The following LRRTM4 variants were observed in gnomAD, a reference collection of about 807,000 sequenced individuals.
The protein encoded by LRRTM4 is leucine rich repeat transmembrane neuronal 4, also known as leucine-rich repeat transmembrane neuronal protein 4.
Under a neutral mutation model 47.6 loss-of-function variants are expected in LRRTM4, and 25 were observed. The ratio of observed to expected loss-of-function variants is 0.53; its 90% CI spans 0.38 to 0.73. LRRTM4 has a LOEUF of 0.73. Among genes scored for constraint, LRRTM4 ranks in the 30% least tolerant of loss-of-function variants. LRRTM4 has a pLI of 0.00. For missense variants in LRRTM4, 638 were observed against 713.4 expected (o/e 0.89, Z 1.20); for synonymous variants, 311 against 269.5 (o/e 1.15, Z -1.51).
intron 3 of LRRTM4, among the ~76,000 whole-genome samples, chr2:77,339,797 A>G (rs1339119843): frequency 6.6e-6 from 1 of 151,920 alleles, no homozygotes; most frequent in African/African-American, 2.4e-5. Flanking sequence ...AGTGAAGGGG[A>G]AAAAGGGGCT....
chr2:77,302,379 C>G (rs1250666634), intron 3 of LRRTM4, among the ~76,000 whole-genome samples: 1 of 152,098 alleles, frequency 6.6e-6, no homozygotes, highest in East Asian at 1.9e-4. Context: ...CAAATATACA[C>G]TTATTTTTAA....
chr2:76,781,273 G>A (rs1483981444), intron 3 of LRRTM4, among the ~76,000 whole-genome samples: 2 of 152,254 alleles, frequency 1.3e-5, no homozygotes, highest in African/African-American at 2.4e-5. Context: ...AGCTGTGGTG[G>A]GCTCCACCCA....
At chr2:77,245,771 T>C (rs879399071) in intron 3 of LRRTM4, among the ~76,000 whole-genome samples, 1 of 152,078 alleles carries the variant, frequency 6.6e-6, no homozygotes, top group African/African-American at 2.4e-5. Context: ...TTTGAAGCTG[T>C]GGAATAGGAA....
At chr2:76,849,438 T>A (rs948887477) in intron 3 of LRRTM4, among the ~76,000 whole-genome samples, 5 of 152,102 alleles carry the variant, frequency 3.3e-5, no homozygotes, top group Non-Finnish European at 7.4e-5. Flanking sequence ...ATTTCCCAGA[T>A]GTATTGTGGG....
intron 3 of LRRTM4, among the ~76,000 whole-genome samples, chr2:76,782,055 G>A (rs1674424319): frequency 6.6e-6 from 1 of 152,066 alleles, no homozygotes; most frequent in South Asian, 2.1e-4. Context: ...GCTTTAAGTT[G>A]TCATAGAATG....
intron 3 of LRRTM4, among the ~76,000 whole-genome samples, chr2:77,183,029 G>T (rs1172264162): frequency 6.6e-6 from 1 of 152,160 alleles, no homozygotes; most frequent in African/African-American, 2.4e-5. Flanking sequence ...CATGGGCAAG[G>T]ACTTCATGAC....
At chr2:77,480,364 T>C (rs1323205265) in intron 3 of LRRTM4, among the ~76,000 whole-genome samples, 3 of 152,338 alleles carry the variant, frequency 2.0e-5, no homozygotes, top group South Asian at 2.1e-4. Context: ...TCATTAGAAA[T>C]GCTTTGTGCT....
chr2:76,778,545 C>A, intron 3 of LRRTM4, among the ~76,000 whole-genome samples: 2 of 151,244 alleles, frequency 1.3e-5, no homozygotes, highest in South Asian at 4.2e-4. Context: ...AGTTTATTTG[C>A]GTAGAGGTGT....
intron 3 of LRRTM4, among the ~76,000 whole-genome samples, chr2:76,817,167 G>C (rs754755124): frequency 3.5e-4 from 53 of 151,922 alleles, no homozygotes; most frequent in African/African-American, 1.3e-3. Context: ...CACATGGAGA[G>C]AACAGCCTGA....
At chr2:77,358,555 A>G (rs1284420487) in intron 3 of LRRTM4, among the ~76,000 whole-genome samples, 1 of 152,216 alleles carries the variant, frequency 6.6e-6, no homozygotes, top group Non-Finnish European at 1.5e-5. Flanking sequence ...TATTTGAACC[A>G]TAGCCGCTTC....
intron 3 of LRRTM4, among the ~76,000 whole-genome samples, chr2:76,891,343 A>T (rs1315355713): frequency 6.6e-6 from 1 of 151,902 alleles, no homozygotes; most frequent in African/African-American, 2.4e-5. Flanking sequence ...GAAATAATAT[A>T]GGGAATTTCA....
At chr2:76,852,179 A>AT (rs1010102042) in intron 3 of LRRTM4, among the ~76,000 whole-genome samples, 1 of 152,188 alleles carries the variant, frequency 6.6e-6, no homozygotes, top group Non-Finnish European at 1.5e-5. Flanking sequence ...GAGGAGTTGT[A>AT]TTCCAACTCC....
At chr2:77,349,323 TACA>T (rs1235553549) in intron 3 of LRRTM4, among the ~76,000 whole-genome samples, 4 of 151,032 alleles carry the variant, frequency 2.6e-5, no homozygotes, top group Non-Finnish European at 5.9e-5. Context: ...TATTCACAAC[TACA>T]ACAACAATAA....
Position 76,774,079 on chromosome 2 carries a change from G to C in LRRTM4, c.1552-25163C>G, listed in dbSNP as rs139465800. 7.2e-5 allele frequency among the ~76,000 whole-genome samples: 11 copies of C among 152,064 alleles called. 1 individual carries two copies. In the East Asian group the frequency reaches 2.1e-3, roughly 29 times the overall value. ...ACTTAGCTACTAATAGCCTACTTTTGACTGGAGGTTTTAGCAAGAACATAG... is the reference window on the plus strand; with the variant it reads ...ACTTAGCTACTAATAGCCTACTTTTCACTGGAGGTTTTAGCAAGAACATAG... On this transcript the variant is annotated intron_variant, in intron 3 of 3. Coordinates refer to ENST00000409884, the MANE Select transcript of LRRTM4 (RefSeq NM_001134745.3).
chr2:77,375,220 C>A (rs559818509), intron 3 of LRRTM4, among the ~76,000 whole-genome samples: 3 of 151,692 alleles, frequency 2.0e-5, no homozygotes, highest in Non-Finnish European at 4.4e-5. Flanking sequence ...GTAAATTCTA[C>A]TAGGAACAGT....
intron 3 of LRRTM4, among the ~76,000 whole-genome samples, chr2:77,251,452 A>T (rs4625937): frequency 0.55 from 82,931 of 151,498 alleles, 23,057 homozygotes; most frequent in African/African-American, 0.6. Flanking sequence ...ATGAAAAGGA[A>T]GCTAAGTAAT....
chr2:77,017,447 G>T (rs910134290), intron 3 of LRRTM4, among the ~76,000 whole-genome samples: 5 of 152,042 alleles, frequency 3.3e-5, no homozygotes, highest in African/African-American at 4.8e-5. Flanking sequence ...AACTATAAAA[G>T]AATCTTTCCT....
chr2:76,884,262 AAG>A (rs1176489158), intron 3 of LRRTM4, among the ~76,000 whole-genome samples: 1 of 152,198 alleles, frequency 6.6e-6, no homozygotes, highest in Non-Finnish European at 1.5e-5. Flanking sequence ...GGGAAGAAGA[AAG>A]AGTCTAAATG....
At chr2:77,367,612 C>G (rs905733361) in intron 3 of LRRTM4, among the ~76,000 whole-genome samples, 3 of 151,860 alleles carry the variant, frequency 2.0e-5, no homozygotes, top group Non-Finnish European at 2.9e-5. Flanking sequence ...TAGCTCTACT[C>G]TTTCTGAGCA....
Sources: gnomAD v4.1 joint callset for allele counts (sites outside exome capture counted in the v4.1 genomes callset) on GRCh38, gnomAD v4.1.1 for gene constraint, MANE v1.5 for transcripts, NCBI Gene and HGNC (gene_info 2026-07-23, HGNC 2026-07-21) for gene names.